KLF8: variants seen among roughly 807,000 people sequenced by gnomAD.
The protein encoded by KLF8 is KLF transcription factor 8, also known as Krueppel-like factor 8.
A neutral mutation model predicts 18.2 loss-of-function variants in KLF8; 10 were observed. The ratio of observed to expected loss-of-function variants is 0.55; its 90% CI spans 0.34 to 0.93. KLF8 has a LOEUF of 0.93. Ranked by LOEUF, KLF8 falls within the 40% of genes least tolerant of loss-of-function variation. The probability of loss-of-function intolerance (pLI) is 0.02; values close to 1 mark genes in which losing one functional copy is unlikely to be tolerated. For missense variants in KLF8, 264 were observed against 277.9 expected, an observed-to-expected ratio of 0.95 and a Z score of 0.36; for synonymous variants, 109 against 97.3, an observed-to-expected ratio of 1.12 and a Z score of -0.71.
chrX:55,920,287 A>T, the KLF8 span, among the ~76,000 whole-genome samples: 5 of 111,710 alleles, frequency 4.5e-5, no homozygotes, highest in Non-Finnish European at 7.5e-5. Flanking sequence ...TGAATTCCAG[A>T]TCTTCCCTCT....
the KLF8 span, among the ~76,000 whole-genome samples, chrX:56,192,310 C>A: frequency 2.7e-5 from 3 of 111,212 alleles, no homozygotes; most frequent in African/African-American, 9.8e-5. Flanking sequence ...AACATTGATG[C>A]AATAAATTCA....
At chrX:56,263,882 C>T (rs186115350) in intron 2 of KLF8, among the ~76,000 whole-genome samples, 36 of 111,929 alleles carry the variant, frequency 3.2e-4, no homozygotes, top group Admixed American at 5.7e-4. Context: ...TAGTTCTTCC[C>T]TTGTTACTCC....
At chrX:55,914,630 G>T in the KLF8 span, among the ~76,000 whole-genome samples, 1 of 111,388 alleles carries the variant, frequency 9.0e-6, no homozygotes, top group Admixed American at 9.6e-5. Flanking sequence ...TAGAGGAGAT[G>T]ATATTTGAGT....
chrX:56,202,747 A>G, the KLF8 span, among the ~76,000 whole-genome samples: 1 of 111,095 alleles, frequency 9.0e-6, no homozygotes, highest in Non-Finnish European at 1.9e-5. Context: ...ATTGTTGCAA[A>G]TGACTGAATA....
chrX:56,252,020 T>C, intron 2 of KLF8, among the ~76,000 whole-genome samples: 1 of 111,378 alleles, frequency 9.0e-6, no homozygotes, highest in East Asian at 2.8e-4. Context: ...TTCCAACTTT[T>C]TTTTGTTTTT....
the KLF8 span, among the ~76,000 whole-genome samples, chrX:55,934,287 A>G: frequency 1.8e-5 from 2 of 111,531 alleles, no homozygotes; most frequent in African/African-American, 6.5e-5. Context: ...AAGATTTTCT[A>G]TATTTTCCTC....
At chrX:56,248,384 A>G (rs1028208688) in intron 1 of KLF8, among the ~76,000 whole-genome samples, 26 of 111,616 alleles carry the variant, frequency 2.3e-4, no homozygotes, top group African/African-American at 7.2e-4. Flanking sequence ...ATGTATTAAC[A>G]TGGAATGTTC....
At chrX:56,060,940 A>T in the KLF8 span, among the ~76,000 whole-genome samples, 4 of 111,597 alleles carry the variant, frequency 3.6e-5, no homozygotes, top group Non-Finnish European at 7.5e-5. Context: ...ATGTGTCCAG[A>T]AATTTACCCA....
At chrX:55,989,777 G>C in the KLF8 span, among the ~76,000 whole-genome samples, 1 of 111,857 alleles carries the variant, frequency 8.9e-6, no homozygotes, top group African/African-American at 3.3e-5. Context: ...CAGAAGGAAT[G>C]GTACCAGCTC....
chrX:56,052,690 T>A, the KLF8 span, among the ~76,000 whole-genome samples: 1 of 112,039 alleles, frequency 8.9e-6, no homozygotes, highest in East Asian at 2.8e-4. Context: ...ACAGGGACAT[T>A]TAAGTCTGCA....
chrX:56,052,083 A>C, the KLF8 span, among the ~76,000 whole-genome samples: 58 of 111,697 alleles, frequency 5.2e-4, no homozygotes, highest in African/African-American at 1.6e-3. Context: ...CTTCTGCATT[A>C]TTCACGTAGT....
the KLF8 span, among the ~76,000 whole-genome samples, chrX:56,170,901 G>A: frequency 2.7e-5 from 3 of 111,714 alleles, no homozygotes; most frequent in Admixed American, 1.9e-4. Flanking sequence ...AACTCTCAAA[G>A]GTCAGAGATG....
At chrX:56,157,512 T>C in the KLF8 span, among the ~76,000 whole-genome samples, 10 of 111,665 alleles carry the variant, frequency 9.0e-5, no homozygotes, top group Non-Finnish European at 1.3e-4. Flanking sequence ...ACCAACAATG[T>C]AAAAGTGTTC....
chrX:56,210,686 G>T, the KLF8 span, among the ~76,000 whole-genome samples: 4 of 109,636 alleles, frequency 3.6e-5, no homozygotes, highest in Non-Finnish European at 3.8e-5. Flanking sequence ...TTGCCCTTTT[G>T]ACACTATTTT....
At chrX:56,133,621 C>T in the KLF8 span, among the ~76,000 whole-genome samples, 1 of 111,464 alleles carries the variant, frequency 9.0e-6, no homozygotes, top group Non-Finnish European at 1.9e-5. Context: ...AGGATGCCCA[C>T]TCTCACCACT....
chrX:56,006,721 T>TA, the KLF8 span, among the ~76,000 whole-genome samples: 3 of 112,768 alleles, frequency 2.7e-5, no homozygotes, highest in Non-Finnish European at 5.6e-5. Context: ...TTTGGTATCT[T>TA]AGTATATTCC....
At chrX:56,110,016 A>G in the KLF8 span, among the ~76,000 whole-genome samples, 5 of 110,331 alleles carry the variant, frequency 4.5e-5, no homozygotes, top group Admixed American at 1.9e-4. Context: ...GCTCCCACTT[A>G]TAAGTGAGAA....
At chrX:55,924,147 G>T in the KLF8 span, among the ~76,000 whole-genome samples, 1 of 111,550 alleles carries the variant, frequency 9.0e-6, no homozygotes, top group Non-Finnish European at 1.9e-5. Flanking sequence ...TCAGCTCACT[G>T]CAAGCTCCGC....
the KLF8 span, among the ~76,000 whole-genome samples, chrX:56,073,217 G>C: frequency 9.0e-6 from 1 of 111,399 alleles, no homozygotes; most frequent in East Asian, 2.8e-4. Context: ...TTGATCTCCT[G>C]ACCTCGTGAT....
Sources: gnomAD v4.1 joint callset for allele counts (sites outside exome capture counted in the v4.1 genomes callset) on GRCh38, gnomAD v4.1.1 for gene constraint, MANE v1.5 for transcripts, NCBI Gene and HGNC (gene_info 2026-07-23, HGNC 2026-07-21) for gene names.